The following UBXN4 variants were observed in gnomAD, a reference collection of about 807,000 sequenced individuals.
UBXN4 encodes UBX domain-containing protein 4.
In UBXN4, 35 loss-of-function variants were observed where a neutral mutation model predicts 66.2. That is an observed-to-expected ratio of 0.53 (90% confidence interval 0.40 to 0.70). The LOEUF is 0.70. Among genes scored for constraint, UBXN4 ranks in the 30% least tolerant of loss-of-function variants. UBXN4 has a pLI of 0.00. For synonymous variants in UBXN4, 203 were observed against 204.5 expected (o/e 0.99, Z 0.06); for missense variants, 533 against 599.8 (o/e 0.89, Z 1.16).
At chr2:135,766,263 G>A (rs1383907206) in intron 6 of UBXN4, among the ~76,000 whole-genome samples, 1 of 152,018 alleles carries the variant, frequency 6.6e-6, no homozygotes, top group Non-Finnish European at 1.5e-5. Context: ...ACTTGCGTTT[G>A]TATTTCTCAG....
intron 6 of UBXN4, among the ~76,000 whole-genome samples, chr2:135,766,500 A>C (rs1465486722): frequency 6.6e-6 from 1 of 152,134 alleles, no homozygotes; most frequent in African/African-American, 2.4e-5. Flanking sequence ...CATTGCATTT[A>C]GTTTAGGCTC....
chr2:135,772,696 C>G, intron 9 of UBXN4, 149 bp downstream of exon 9: 2 of 1,040,728 alleles, frequency 1.9e-6, no homozygotes, highest in Non-Finnish European at 2.7e-6. Context: ...TGGTATCTCT[C>G]ATTTCGTGTG....
At chr2:135,765,544 G>T (rs965554976) in intron 6 of UBXN4, among the ~76,000 whole-genome samples, 1 of 151,942 alleles carries the variant, frequency 6.6e-6, no homozygotes, top group Admixed American at 6.6e-5. Flanking sequence ...AGAATTATCT[G>T]GCAAAGATAA....
intron 9 of UBXN4, among the ~76,000 whole-genome samples, chr2:135,775,980 G>T (rs1043383074): frequency 1.1e-4 from 17 of 152,186 alleles, no homozygotes; most frequent in Non-Finnish European, 1.8e-4. Flanking sequence ...CGTTGGCCCG[G>T]CTGGTCTTGA....
chr2:135,765,940 G>T (rs1318478775), intron 6 of UBXN4, among the ~76,000 whole-genome samples: 1 of 152,060 alleles, frequency 6.6e-6, no homozygotes, highest in East Asian at 1.9e-4. Flanking sequence ...ATCAACTGAG[G>T]TCAGGAGTTC....
chr2:135,757,763 G>GT (rs999381921), intron 5 of UBXN4, among the ~76,000 whole-genome samples: 11 of 150,192 alleles, frequency 7.3e-5, no homozygotes, highest in East Asian at 5.8e-4. Context: ...TCTAATCTCA[G>GT]TTTTTTTTTA....
chr2:135,755,392 CTATT>C (rs1285205210), intron 4 of UBXN4, 121 bp from the exon 5 acceptor site: 2 of 657,738 alleles, frequency 3.0e-6, no homozygotes, highest in Admixed American at 8.6e-5. Context: ...TTGGATTCAT[CTATT>C]TATGAGCATT....
At chr2:135,759,281 T>A (rs1000262679) in intron 5 of UBXN4, among the ~76,000 whole-genome samples, 25 of 152,268 alleles carry the variant, frequency 1.6e-4, no homozygotes, top group Admixed American at 8.5e-4. Context: ...AGATAAGAAA[T>A]TTTTAAAAAT....
intron 1 of UBXN4, among the ~76,000 whole-genome samples, chr2:135,745,780 CTT>C (rs2077203508): frequency 6.6e-6 from 1 of 150,386 alleles, no homozygotes. Flanking sequence ...CAAATAGTAA[CTT>C]CTCGTTATTT....
At chr2:135,756,552 T>A (rs749737182) in intron 5 of UBXN4, among the ~76,000 whole-genome samples, 4 of 152,212 alleles carry the variant, frequency 2.6e-5, no homozygotes, top group African/African-American at 4.8e-5. Context: ...TTTTGAGGTT[T>A]TACATCGGAT....
At chr2:135,780,417 T>C (rs1450355455) in intron 12 of UBXN4, 32 bp downstream of exon 12, 7 of 1,596,772 alleles carry the variant, frequency 4.4e-6, no homozygotes, top group Admixed American at 3.3e-5. Context: ...ATTTATAAAA[T>C]ATGTAAGTCA....
At position 135,761,912 on chromosome 2, in the gene UBXN4, G is replaced by A. The variant is rs749550645; in HGVS notation, c.602+1G>A. On this transcript the variant is annotated splice_donor_variant, in intron 6 of 12. Coordinates refer to ENST00000272638, the MANE Select transcript of UBXN4 (RefSeq NM_014607.4). LOFTEE classifies it high-confidence loss of function. ...AGGACCTCAACATCCGAGTGGAAAG[G>A]TTTGCTCTTCTTTTTGCAAATAGCA... is the stretch of plus-strand genomic sequence containing the variant. 1.2e-6 allele frequency: 2 copies of A among 1,607,502 alleles called. No homozygotes were observed. Among genetic ancestry groups the A allele is most frequent in the African/African-American group, 1.3e-5 (1 of 74,478 alleles).
chr2:135,768,162 A>G (rs2077358852), intron 6 of UBXN4, among the ~76,000 whole-genome samples: 1 of 152,078 alleles, frequency 6.6e-6, no homozygotes. Context: ...TGCATCCACT[A>G]CCACTGTCTA....
intron 9 of UBXN4, among the ~76,000 whole-genome samples, chr2:135,774,736 T>C (rs941672469): frequency 2.6e-5 from 4 of 151,696 alleles, no homozygotes; most frequent in Admixed American, 6.6e-5. Context: ...TCCCAGCTAC[T>C]CAGGAGGCTG....
chr2:135,769,944 A>G (rs2077373122), intron 7 of UBXN4, 121 bp downstream of exon 7: 2 of 696,172 alleles, frequency 2.9e-6, no homozygotes. Flanking sequence ...TTGCAGCACT[A>G]TGAAGATAAT....
At chr2:135,742,069 C>G (rs1039973071) in intron 1 of UBXN4, 58 bp downstream of exon 1, 5 of 1,578,718 alleles carry the variant, frequency 3.2e-6, no homozygotes, top group Non-Finnish European at 4.3e-6. Context: ...TACCTTCATC[C>G]TCTTGTATAC....
At chr2:135,751,890 G>T (rs16831992) in intron 2 of UBXN4, among the ~76,000 whole-genome samples, 1 of 151,900 alleles carries the variant, frequency 6.6e-6, no homozygotes, top group Non-Finnish European at 1.5e-5. Flanking sequence ...ACATTGATGA[G>T]TATCTCTTAC....
At chr2:135,764,085 C>T (rs1389109593) in intron 6 of UBXN4, among the ~76,000 whole-genome samples, 1 of 152,020 alleles carries the variant, frequency 6.6e-6, no homozygotes, top group African/African-American at 2.4e-5. Context: ...GGTCATGCCA[C>T]TACACTCCAG....
At chr2:135,770,260 T>A (rs2077374978) in intron 7 of UBXN4, among the ~76,000 whole-genome samples, 1 of 152,206 alleles carries the variant, frequency 6.6e-6, no homozygotes, top group Non-Finnish European at 1.5e-5. Context: ...ATAGGAAGGT[T>A]ACCATTTCAT....
Sources: allele counts gnomAD v4.1 joint callset (sites outside exome capture counted in the v4.1 genomes callset), GRCh38; gene constraint gnomAD v4.1.1; transcripts MANE v1.5; gene names NCBI Gene and HGNC (gene_info 2026-07-23, HGNC 2026-07-21).